The following FRMD4A variants were observed in gnomAD, a reference collection of about 807,000 sequenced individuals.
The protein encoded by FRMD4A is FERM domain containing 4A, also known as FERM domain-containing protein 4A.
FRMD4A carries 29 observed loss-of-function variants against 129.1 expected under a neutral mutation model. That is an observed-to-expected ratio of 0.22 (90% confidence interval 0.17 to 0.31). FRMD4A has a LOEUF of 0.31. Among genes scored for constraint, FRMD4A ranks in the 10% least tolerant of loss-of-function variants. The pLI is 1.00. For missense variants in FRMD4A, 1,272 were observed against 1,375.8 expected, an observed-to-expected ratio of 0.92 and a Z score of 1.19; for synonymous variants, 634 against 571.6, an observed-to-expected ratio of 1.11 and a Z score of -1.56.
intron 9 of FRMD4A, among the ~76,000 whole-genome samples, chr10:13,742,915 G>C (rs1216694015): frequency 6.6e-6 from 1 of 152,124 alleles, no homozygotes; most frequent in Non-Finnish European, 1.5e-5. Flanking sequence ...GGGGTAACAG[G>C]TTCTACACAT....
intron 5 of FRMD4A, among the ~76,000 whole-genome samples, chr10:13,786,376 G>A (rs1331232110): frequency 6.6e-6 from 1 of 152,206 alleles, no homozygotes; most frequent in East Asian, 1.9e-4. Context: ...AGGCCAAGAT[G>A]TGTGGATCAA....
chr10:14,018,306 A>AT (rs2095705517), intron 2 of FRMD4A, among the ~76,000 whole-genome samples: 1 of 151,316 alleles, frequency 6.6e-6, no homozygotes, highest in South Asian at 2.1e-4. Flanking sequence ...AAAAAAAAAA[A>AT]TTAGCCGGGC....
chr10:14,319,712 G>A lies in FRMD4A; in HGVS notation c.45+10346C>T, dbSNP rs558396904. Among the ~76,000 whole-genome samples the A allele has an allele frequency of 2.6e-5, 4 of 152,150 alleles. No homozygotes were observed. In the South Asian group the frequency reaches 8.3e-4, roughly 32 times the overall value. ...TTATTTCCTCTCTATAATCTCTTCA[G>A]GATTTCTGAGCTTCAGTGCCACTGC... On this transcript the variant is annotated intron_variant, in intron 2 of 24. Transcript: ENST00000357447.
intron 2 of FRMD4A, among the ~76,000 whole-genome samples, chr10:13,931,751 A>T (rs1219940377): frequency 1.3e-5 from 2 of 149,966 alleles, no homozygotes; most frequent in East Asian, 3.9e-4. Flanking sequence ...CAGCCTGGCC[A>T]ACATGGCAAA....
At chr10:14,051,663 A>G (rs1032105295) in intron 2 of FRMD4A, among the ~76,000 whole-genome samples, 5 of 152,194 alleles carry the variant, frequency 3.3e-5, no homozygotes, top group Admixed American at 6.5e-5. Context: ...AGGCTCTTTC[A>G]TGGCAGGGTT....
Position 14,185,528 on chromosome 10 carries a change from A to G in FRMD4A, c.45+144530T>C, listed in dbSNP as rs144347959. On this transcript the variant is annotated intron_variant, in intron 2 of 24. Transcript: ENST00000357447. ...GTATTTTTTGGAGGTTTGTTGTAGA[A>G]CTATGGAAACTTGAAACATAAAGCA... is the stretch of plus-strand genomic sequence containing the variant. 9.1e-3 allele frequency among the ~76,000 whole-genome samples: 1,388 copies of G among 152,320 alleles called. 23 individuals are homozygous for G. The highest frequency in any genetic ancestry group is 0.031 in the African/African-American group (1,279 of 41,556).
At chr10:14,222,850 C>T (rs971033587) in intron 2 of FRMD4A, among the ~76,000 whole-genome samples, 2 of 152,060 alleles carry the variant, frequency 1.3e-5, no homozygotes, top group Non-Finnish European at 2.9e-5. Flanking sequence ...AGGAGGTTCA[C>T]CTGAAGGCAG....
chr10:13,856,775 C>T (rs186025241), intron 3 of FRMD4A, among the ~76,000 whole-genome samples: 1 of 152,284 alleles, frequency 6.6e-6, no homozygotes. Flanking sequence ...TCCCAAACTG[C>T]ACACATCAGT....
intron 2 of FRMD4A, among the ~76,000 whole-genome samples, chr10:14,246,566 CAT>C (rs1421554510): frequency 1.3e-5 from 2 of 152,214 alleles, no homozygotes; most frequent in Non-Finnish European, 1.5e-5. Flanking sequence ...TACACAATCA[CAT>C]ATGTACACAC....
rs759703166 is a variant in FRMD4A at position 13,796,559 on chromosome 10, C to T, written c.236G>A (p.Arg79Gln). 3.7e-6 allele frequency: 6 copies of T among 1,602,468 alleles called. No homozygotes were observed. The highest frequency in any genetic ancestry group is 1.7e-6 in the Non-Finnish European group (2 of 1,169,476). Residue 79 changes from arginine to glutamine, a missense_variant, in exon 5 of 25, where the codon CGA becomes CAA. Physicochemically the swap from Arg to Gln is conservative, Grantham distance 43. Transcript: ENST00000357447. Reference protein sequence around the residue: ...TGHLNWLQLDRRVLEHDFPKK... With the variant: ...TGHLNWLQLDQRVLEHDFPKK... Reference sequence around the variant, plus strand: ...AGGGAAGTCATGTTCCAATACTCTTCGATCTAGCTGAAGCCAGTTTAAGTG... The same window carrying T: ...AGGGAAGTCATGTTCCAATACTCTTTGATCTAGCTGAAGCCAGTTTAAGTG...
At chr10:14,324,013 G>T (rs550337255) in intron 2 of FRMD4A, among the ~76,000 whole-genome samples, 40 of 152,332 alleles carry the variant, frequency 2.6e-4, no homozygotes, top group African/African-American at 9.6e-4. Context: ...ACCATGCAAA[G>T]TCCTTGATCC....
At chr10:13,699,244 T>G (rs113607415) in intron 14 of FRMD4A, among the ~76,000 whole-genome samples, 29,528 of 145,058 alleles carry the variant, frequency 0.2, 3,623 homozygotes, top group Non-Finnish European at 0.26. Context: ...TTTTTTTTTT[T>G]TTTTGTATTT....
intron 2 of FRMD4A, among the ~76,000 whole-genome samples, chr10:13,984,770 C>T (rs569211885): frequency 7.2e-5 from 11 of 152,316 alleles, no homozygotes; most frequent in African/African-American, 2.4e-4. Flanking sequence ...CATCCATCAG[C>T]GGGCACTTGG....
chr10:13,685,504 G>C, intron 15 of FRMD4A: 1 of 985,220 alleles, frequency 1.0e-6, no homozygotes, highest in Non-Finnish European at 1.2e-6. Flanking sequence ...CTATCTTCTG[G>C]GTCCAAGCTT....
intron 2 of FRMD4A, among the ~76,000 whole-genome samples, chr10:14,290,923 A>T (rs1224632213): frequency 6.6e-6 from 1 of 152,140 alleles, no homozygotes; most frequent in African/African-American, 2.4e-5. Flanking sequence ...GGTGTCTATT[A>T]TTACTAGTGA....
chr10:14,109,227 GC>G (rs1837746525), intron 2 of FRMD4A, among the ~76,000 whole-genome samples: 1 of 139,968 alleles, frequency 7.1e-6, no homozygotes, highest in African/African-American at 2.6e-5. Flanking sequence ...AAAAAAAAAA[GC>G]CTCCAAAGAA....
At chr10:13,731,154 C>T (rs1157785288) in intron 12 of FRMD4A, among the ~76,000 whole-genome samples, 1 of 152,090 alleles carries the variant, frequency 6.6e-6, no homozygotes, top group African/African-American at 2.4e-5. Context: ...ATTGTGAATT[C>T]CAACCGTAGC....
chr10:13,880,514 C>T (rs4572032), intron 2 of FRMD4A, among the ~76,000 whole-genome samples: 1,948 of 152,272 alleles, frequency 0.013, 47 homozygotes, highest in African/African-American at 0.044. Flanking sequence ...GCATGGCCTC[C>T]GTGGGACCAG....
chr10:14,047,579 A>G (rs144498449), intron 2 of FRMD4A, among the ~76,000 whole-genome samples: 1 of 152,272 alleles, frequency 6.6e-6, no homozygotes, highest in African/African-American at 2.4e-5. Flanking sequence ...ATTCTTGTAA[A>G]TTTCTCTCCT....
Sources: allele counts gnomAD v4.1 joint callset (sites outside exome capture counted in the v4.1 genomes callset), GRCh38; gene constraint gnomAD v4.1.1; transcripts MANE v1.5; gene names NCBI Gene and HGNC (gene_info 2026-07-23, HGNC 2026-07-21).